Variants in KCNIP4 observed in about 807,000 individuals in gnomAD.
KCNIP4 encodes the protein Kv channel-interacting protein 4.
Under a neutral mutation model 34.0 loss-of-function variants are expected in KCNIP4, and 12 were observed. That is an observed-to-expected ratio of 0.35 (90% CI 0.23 to 0.57). The LOEUF (loss-of-function observed/expected upper bound fraction) is 0.57, where lower values mean the gene tolerates loss of function less well. KCNIP4 is among the 20% of genes least tolerant of loss of function. The pLI is 0.83. For missense variants in KCNIP4, 238 were observed against 311.7 expected (o/e 0.76, Z 1.78); for synonymous variants, 124 against 102.2 (o/e 1.21, Z -1.29).
intron 1 of KCNIP4, among the ~76,000 whole-genome samples, chr4:21,422,694 C>T (rs1484938587): frequency 4.8e-5 from 7 of 144,832 alleles, no homozygotes; most frequent in African/African-American, 1.8e-4. Flanking sequence ...TGTGTGTCTG[C>T]ATATGTGCTT....
At chr4:21,169,658 A>ATT (rs1408812995) in intron 1 of KCNIP4, among the ~76,000 whole-genome samples, 4 of 93,220 alleles carry the variant, frequency 4.3e-5, no homozygotes, top group Non-Finnish European at 9.3e-5. Flanking sequence ...CATACTTTAT[A>ATT]TTTGTGTGTG....
At chr4:21,914,745 T>G (rs2108987481) in intron 1 of KCNIP4, among the ~76,000 whole-genome samples, 1 of 152,338 alleles carries the variant, frequency 6.6e-6, no homozygotes, top group Non-Finnish European at 1.5e-5. Flanking sequence ...TTTCTGTTTA[T>G]ATGTTTATTT....
intron 1 of KCNIP4, among the ~76,000 whole-genome samples, chr4:21,706,283 G>A (rs1453780493): frequency 1.3e-5 from 2 of 152,090 alleles, no homozygotes; most frequent in Admixed American, 6.6e-5. Flanking sequence ...AAAGGTTTTC[G>A]AGATGAAACC....
At chr4:21,242,796 A>C (rs537116453) in intron 1 of KCNIP4, among the ~76,000 whole-genome samples, 2 of 152,210 alleles carry the variant, frequency 1.3e-5, no homozygotes, top group East Asian at 3.9e-4. Flanking sequence ...GCAGACTGCA[A>C]ATCATGAAAC....
At chr4:21,938,734 A>C (rs145100481) in intron 1 of KCNIP4, among the ~76,000 whole-genome samples, 88 of 152,294 alleles carry the variant, frequency 5.8e-4, no homozygotes, top group African/African-American at 2.0e-3. Flanking sequence ...GAAGGTATTT[A>C]GCACGTGGCT....
chr4:20,762,603 G>A (rs899171308), intron 3 of KCNIP4, among the ~76,000 whole-genome samples: 3 of 152,198 alleles, frequency 2.0e-5, no homozygotes, highest in African/African-American at 7.2e-5. Context: ...TCTCTATCAA[G>A]AATGAATTTG....
chr4:21,087,152 G>A (rs10016818), intron 1 of KCNIP4, among the ~76,000 whole-genome samples: 2 of 128,928 alleles, frequency 1.6e-5, no homozygotes, highest in African/African-American at 7.1e-5. Context: ...GGTAATGTGT[G>A]TGTGTGTGTG....
chr4:21,769,398 A>G (rs557943030), intron 1 of KCNIP4, among the ~76,000 whole-genome samples: 1 of 152,202 alleles, frequency 6.6e-6, no homozygotes, highest in East Asian at 1.9e-4. Flanking sequence ...TTTGCTGGTC[A>G]TATATTATTT....
chr4:21,433,077 T>G (rs1303267704), intron 1 of KCNIP4, among the ~76,000 whole-genome samples: 1 of 152,180 alleles, frequency 6.6e-6, no homozygotes, highest in Non-Finnish European at 1.5e-5. Context: ...ACCCCAATTC[T>G]TTCACCTATC....
intron 1 of KCNIP4, among the ~76,000 whole-genome samples, chr4:21,131,458 A>G (rs1751065648): frequency 6.6e-6 from 1 of 152,116 alleles, no homozygotes; most frequent in Non-Finnish European, 1.5e-5. Context: ...AAATACAAAA[A>G]AATTAGCTGG....
chr4:20,794,111 T>C (rs1338239813), intron 3 of KCNIP4, among the ~76,000 whole-genome samples: 1 of 152,186 alleles, frequency 6.6e-6, no homozygotes, highest in Non-Finnish European at 1.5e-5. Context: ...CCTTCTGCCA[T>C]GATTGTGAGG....
chr4:21,745,549 C>T (rs1716714675), intron 1 of KCNIP4, among the ~76,000 whole-genome samples: 1 of 152,128 alleles, frequency 6.6e-6, no homozygotes, highest in African/African-American at 2.4e-5. Flanking sequence ...AATTCACCTA[C>T]TTTTGTGAGT....
intron 1 of KCNIP4, among the ~76,000 whole-genome samples, chr4:21,264,659 C>G (rs1761684407): frequency 6.6e-6 from 1 of 152,130 alleles, no homozygotes. Context: ...CATATGATAG[C>G]CATGTAAGTT....
intron 1 of KCNIP4, among the ~76,000 whole-genome samples, chr4:20,973,902 C>T (rs755454149): frequency 6.6e-5 from 10 of 152,056 alleles, no homozygotes; most frequent in East Asian, 5.8e-4. Context: ...AATCTGAACT[C>T]GATTATTCCT....
chr4:21,234,974 CAT>C (rs1342895543), intron 1 of KCNIP4, among the ~76,000 whole-genome samples: 1 of 151,906 alleles, frequency 6.6e-6, no homozygotes, highest in Non-Finnish European at 1.5e-5. Flanking sequence ...TAAAATAAAA[CAT>C]ATAAGGTTAA....
At chr4:21,039,549 C>T (rs997732279) in intron 1 of KCNIP4, among the ~76,000 whole-genome samples, 1 of 151,928 alleles carries the variant, frequency 6.6e-6, no homozygotes, top group African/African-American at 2.4e-5. Context: ...TGTGCCAGAT[C>T]CCCACCCTCA....
chr4:20,910,917 C>T (rs1363279911), intron 1 of KCNIP4, among the ~76,000 whole-genome samples: 1 of 152,088 alleles, frequency 6.6e-6, no homozygotes, highest in Non-Finnish European at 1.5e-5. Context: ...TTTCCTCCTC[C>T]TTTAACATAA....
intron 1 of KCNIP4, among the ~76,000 whole-genome samples, chr4:21,871,492 G>T (rs1329024966): frequency 1.3e-5 from 2 of 151,552 alleles, no homozygotes; most frequent in African/African-American, 4.9e-5. Context: ...GTCCTTTGTA[G>T]GGACATGGAT....
At chr4:21,389,532 T>C (rs1722348564) in intron 1 of KCNIP4, among the ~76,000 whole-genome samples, 1 of 142,318 alleles carries the variant, frequency 7.0e-6, no homozygotes, top group African/African-American at 2.6e-5. Flanking sequence ...AATTCCCACC[T>C]ATGAGTGAGA....
Sources: allele counts gnomAD v4.1 joint callset (sites outside exome capture counted in the v4.1 genomes callset), GRCh38; gene constraint gnomAD v4.1.1; transcripts MANE v1.5; gene names NCBI Gene and HGNC (gene_info 2026-07-23, HGNC 2026-07-21).